Variants in FUT8 observed in about 807,000 individuals in gnomAD.
The protein encoded by FUT8 is alpha-(1,6)-fucosyltransferase.
FUT8 carries 29 observed loss-of-function variants against 71.3 expected under a neutral mutation model. The observed-to-expected ratio is 0.41, with a 90% CI of 0.30 to 0.55. FUT8 has a LOEUF of 0.55. Among genes scored for constraint, FUT8 ranks in the 20% least tolerant of loss-of-function variants. FUT8 has a pLI of 0.34. For missense variants in FUT8, 544 were observed against 702.1 expected, an observed-to-expected ratio of 0.77 and a Z score of 2.55; for synonymous variants, 254 against 239.3, an observed-to-expected ratio of 1.06 and a Z score of -0.57.
At chr14:65,579,330 T>C (rs775059755) in intron 3 of FUT8, among the ~76,000 whole-genome samples, 2 of 152,156 alleles carry the variant, frequency 1.3e-5, no homozygotes, top group Non-Finnish European at 2.9e-5. Context: ...GAATATCCAA[T>C]TTTATATTAC....
chr14:65,396,802 A>T, the FUT8 span, among the ~76,000 whole-genome samples: 890 of 152,342 alleles, frequency 5.8e-3, 34 homozygotes, highest in East Asian at 0.094. This position sits in a 1 kb window ranked among gnomAD's most constrained non-coding sequence, Gnocchi z 5.5. Flanking sequence ...AATTAACATT[A>T]GTGGCTTAAT....
At chr14:65,388,950 A>G in the FUT8 span, among the ~76,000 whole-genome samples, 3 of 151,762 alleles carry the variant, frequency 2.0e-5, 1 homozygote, top group Middle Eastern at 6.8e-3. Context: ...TTTTATATAT[A>G]TAAATGAATA....
intron 3 of FUT8, among the ~76,000 whole-genome samples, chr14:65,606,152 A>C (rs1447946801): frequency 4.7e-5 from 7 of 149,558 alleles, no homozygotes; most frequent in African/African-American, 1.5e-4. Flanking sequence ...AGCTTACTGC[A>C]ACCTCCGCCT....
intron 2 of FUT8, among the ~76,000 whole-genome samples, chr14:65,507,964 G>A (rs1882038026): frequency 6.6e-6 from 1 of 151,808 alleles, no homozygotes; most frequent in Admixed American, 6.6e-5. Flanking sequence ...TGCCAGCATT[G>A]ATTATTGCTT....
At chr14:65,687,501 A>G (rs975004188) in intron 7 of FUT8, among the ~76,000 whole-genome samples, 5 of 152,216 alleles carry the variant, frequency 3.3e-5, no homozygotes. Flanking sequence ...ATGAACACCT[A>G]TTGCTGAAAA....
chr14:65,367,750 C>T, the FUT8 span, among the ~76,000 whole-genome samples: 1 of 152,154 alleles, frequency 6.6e-6, no homozygotes, highest in Non-Finnish European at 1.5e-5. Context: ...TCTCTTTTCT[C>T]TCCTTAATCC....
the FUT8 span, among the ~76,000 whole-genome samples, chr14:65,388,719 G>A: frequency 4.6e-4 from 70 of 152,054 alleles, no homozygotes; most frequent in Middle Eastern, 6.8e-3. Flanking sequence ...CTGAGATCGC[G>A]CCACTGCACT....
chr14:65,608,724 A>G (rs1414757567), intron 3 of FUT8, among the ~76,000 whole-genome samples: 1 of 151,944 alleles, frequency 6.6e-6, no homozygotes, highest in Non-Finnish European at 1.5e-5. Flanking sequence ...AGGAAACCCT[A>G]GTGATTAGCT....
intron 2 of FUT8, among the ~76,000 whole-genome samples, chr14:65,499,568 C>A (rs2066613135): frequency 6.6e-6 from 1 of 151,920 alleles, no homozygotes; most frequent in Non-Finnish European, 1.5e-5. Context: ...AATCCCAACA[C>A]TTTGGGAGGC....
intron 1 of FUT8, among the ~76,000 whole-genome samples, chr14:65,440,173 G>A (rs1329885005): frequency 6.6e-6 from 1 of 151,592 alleles, no homozygotes; most frequent in African/African-American, 2.4e-5. Flanking sequence ...TAGAAGCAGA[G>A]AATATAATGG....
At chr14:65,402,196 A>AT in the FUT8 span, among the ~76,000 whole-genome samples, 308 of 75,822 alleles carry the variant, frequency 4.1e-3, 4 homozygotes, top group South Asian at 0.021. Flanking sequence ...ATGGAGTGTG[A>AT]TTTTTTTTTT....
intron 2 of FUT8, among the ~76,000 whole-genome samples, chr14:65,531,749 T>G (rs1246617913): frequency 1.3e-5 from 2 of 152,134 alleles, no homozygotes; most frequent in African/African-American, 4.8e-5. Flanking sequence ...ATAGTTATGT[T>G]TTCTGTTCCT....
intron 3 of FUT8, among the ~76,000 whole-genome samples, chr14:65,600,432 A>G (rs1888232923): frequency 6.6e-6 from 1 of 152,208 alleles, no homozygotes; most frequent in South Asian, 2.1e-4. Context: ...TGTGCTAGGT[A>G]TAGAATAGTG....
intron 1 of FUT8, among the ~76,000 whole-genome samples, chr14:65,440,900 C>A (rs1053603181): frequency 1.5e-4 from 23 of 152,132 alleles, no homozygotes; most frequent in African/African-American, 5.1e-4. Context: ...AAGTACCCTT[C>A]ACCTAAATGA....
In FUT8 at chr14:65,421,747, C is replaced by CCCCCCT. The variant is rs57713947; in HGVS notation, c.-326+8533_-326+8534insCCCCCT. Among the ~76,000 whole-genome samples, 138 of 79,176 alleles carry CCCCCCT rather than the reference C, an allele frequency of 1.7e-3. 3 individuals are homozygous for CCCCCCT. The highest frequency in any genetic ancestry group is 4.9e-3 in the African/African-American group (100 of 20,224). 51.9% of individuals were successfully genotyped at this position (79,176 alleles called of 152,430 possible). On this transcript the variant is annotated intron_variant, in intron 1 of 10. Transcript: ENST00000673929. The stretch of plus-strand genomic sequence containing the variant: ...TTGAAACCCTTTAACCCACCCCCCC[C>CCCCCCT]TTTTTTTTTTTTTGCCATATCCACA...
chr14:65,378,863 T>TTTTTTTG, the FUT8 span, among the ~76,000 whole-genome samples: 7 of 141,134 alleles, frequency 5.0e-5, no homozygotes, highest in East Asian at 2.1e-4. Flanking sequence ...TTTTTTTTTT[T>TTTTTTTG]GAGATGGAGT....
At chr14:65,433,736 A>G (rs917868754) in intron 1 of FUT8, among the ~76,000 whole-genome samples, 3 of 150,510 alleles carry the variant, frequency 2.0e-5, no homozygotes, top group Admixed American at 1.3e-4. Flanking sequence ...TTCTCAGTCT[A>G]CTGTTGTTAT....
chr14:65,393,103 A>C, the FUT8 span, among the ~76,000 whole-genome samples: 1 of 152,174 alleles, frequency 6.6e-6, no homozygotes, highest in African/African-American at 2.4e-5. Flanking sequence ...CCCTCCACAC[A>C]AGTAGGATGC....
At chr14:65,735,039 C>T (rs1950557) in intron 10 of FUT8, among the ~76,000 whole-genome samples, 35,007 of 152,014 alleles carry the variant, frequency 0.23, 4,678 homozygotes, top group East Asian at 0.48. Context: ...AACTACAGTT[C>T]TAGTCACAAG....
Sources: allele counts gnomAD v4.1 joint callset (sites outside exome capture counted in the v4.1 genomes callset), GRCh38; gene constraint gnomAD v4.1.1; non-coding constraint Gnocchi (gnomAD v3.1); transcripts MANE v1.5; gene names NCBI Gene and HGNC (gene_info 2026-07-23, HGNC 2026-07-21).